Variants in NGB observed in about 807,000 individuals in gnomAD.
NGB encodes the protein neuroglobin.
In NGB, 12 loss-of-function variants were observed where a neutral mutation model predicts 17.3. The ratio of observed to expected loss-of-function variants is 0.69; its 90% CI spans 0.45 to 1.13. The LOEUF (loss-of-function observed/expected upper bound fraction) is 1.13. Ranked by LOEUF, NGB falls within the 50% of genes most tolerant of loss-of-function variation. NGB has a pLI of 0.00. For missense variants in NGB, 195 were observed against 191.7 expected (o/e 1.02, Z -0.10); for synonymous variants, 87 against 81.0 (o/e 1.07, Z -0.40).
In NGB at chr14:77,266,097, G is replaced by T; in HGVS notation, c.*439C>A. 1 of 421,388 alleles carries T rather than the reference G, an allele frequency of 2.4e-6. No homozygotes were observed. Among genetic ancestry groups the T allele is most frequent in the Non-Finnish European group, 5.0e-6 (1 of 200,406 alleles). The allele number at this position is 421,388 out of a possible 1,614,324, so 26.1% of individuals were successfully genotyped here. On this transcript the variant is annotated 3_prime_UTR_variant, in exon 4 of 4. Transcript: ENST00000298352. ...AGCCATCTTGGGGCAGGAAAGCAGT[G>T]AAGGGACTGGGCAGGCAGGACAGAA...
At chr14:77,268,690 G>C in intron 2 of NGB, 105 bp from the exon 3 acceptor site, 3 of 1,472,666 alleles carry the variant, frequency 2.0e-6, no homozygotes, top group Non-Finnish European at 2.8e-6. Context: ...AGGCCAGTAG[G>C]ACCCTCAGTT....
Position 77,268,559 on chromosome 14 carries a change from C to T in NGB, c.228G>A (p.Val76=). The part of the protein sequence containing the change: ...RKVMLVIDAA[V]TNVEDLSSLE... The stretch of plus-strand genomic sequence containing the variant: ...GTGAGGACAGGTCTTCCACATTGGT[C>T]ACTGCAGCATCAATCACGAGCATCA... Residue 76 remains valine (V), a synonymous_variant, in exon 3 of 4, where the codon GTG becomes GTA. Transcript: ENST00000298352. The T allele has an allele frequency of 6.2e-7, 1 of 1,613,988 alleles. No homozygotes were observed. Among genetic ancestry groups the T allele is most frequent in the Non-Finnish European group, 8.5e-7 (1 of 1,180,018 alleles).
intron 3 of NGB, 52 bp downstream of exon 3, chr14:77,268,414 G>A: frequency 6.3e-7 from 1 of 1,590,308 alleles, no homozygotes; most frequent in South Asian, 1.1e-5. Flanking sequence ...CTGGGAGAGA[G>A]AAGTGGCCCC....
At chr14:77,268,712 G>A in intron 2 of NGB, 127 bp from the exon 3 acceptor site, 1 of 1,309,324 alleles carries the variant, frequency 7.6e-7, no homozygotes, top group Non-Finnish European at 1.1e-6. Flanking sequence ...TCCAAGATCA[G>A]GGGTCAAAGG....
At chr14:77,269,153 T>C in intron 2 of NGB, 62 bp downstream of exon 2, 1 of 1,081,184 alleles carries the variant, frequency 9.2e-7, no homozygotes, top group South Asian at 1.4e-5. Context: ...TTTTCTCCAT[T>C]CTCCACCAGG....
Position 77,267,976 on chromosome 14 carries a change from T to C in NGB, c.321+490A>G, listed in dbSNP as rs189479179. ...CTCCCCCTTGGAACTCAGCTGCTAT[T>C]CTATAAAGAAGCTCAGCTAGACTAG... On this transcript the variant is annotated intron_variant, in intron 3 of 3. Transcript: ENST00000298352. Among the ~76,000 whole-genome samples the C allele has an allele frequency of 3.3e-5, 5 of 152,350 alleles. No homozygotes were observed. The East Asian group carries it at 7.7e-4, about 24-fold the overall frequency.
In NGB at chr14:77,269,827, G is replaced by A. The variant is rs1207077473; in HGVS notation, c.90-501C>T. ...CCCCCCCCCCCCCCCCCCCCCCTGC[G>A]CTGAGTACTTTCCGTGTGGTTAACT... On this transcript the variant is annotated intron_variant, in intron 1 of 3. Coordinates refer to ENST00000298352, the MANE Select transcript of NGB (RefSeq NM_021257.4). 4.3e-5 allele frequency among the ~76,000 whole-genome samples: 3 copies of A among 70,204 alleles called. 1 individual carries two copies. The highest frequency in any genetic ancestry group is 1.1e-4 in the African/African-American group (2 of 17,750). 46.1% of individuals were successfully genotyped at this position (70,204 alleles called of 152,430 possible). A position where few individuals can be genotyped will look rare whatever the true frequency, so the allele number is the denominator to read the frequency against.
At chr14:77,267,941 C>A (rs1302458268) in intron 3 of NGB, among the ~76,000 whole-genome samples, 1 of 152,176 alleles carries the variant, frequency 6.6e-6, no homozygotes, top group African/African-American at 2.4e-5. Context: ...TGGGGCTTGT[C>A]CTCTAAAAAC....
intron 1 of NGB, among the ~76,000 whole-genome samples, chr14:77,269,677 T>G (rs959403313): frequency 1.0e-3 from 1 of 990 alleles, no homozygotes; most frequent in African/African-American, 3.6e-3. Flanking sequence ...TTTCTCTCTC[T>G]CTCTCTCTCT....
rs543143157 is a variant in NGB at position 77,269,318 on chromosome 14, G to A, written c.98C>T (p.Ala33Val). 3.0e-5 allele frequency: 46 copies of A among 1,549,642 alleles called. No individual in the cohort carries two copies. The highest frequency in any genetic ancestry group is 3.7e-5 in the Non-Finnish European group (42 of 1,145,398). Reference protein sequence around the residue: ...HGTVLFARLFALEPDLLPLFQ... With the variant: ...HGTVLFARLFVLEPDLLPLFQ... ...GAGGGGCAGCAGGTCAGGCTCCAGG[G>A]CAAACAGCCTGTGGGAGTGAGGCCC... is the stretch of plus-strand genomic sequence containing the variant. The change falls in exon 2 of 4, where the codon GCC becomes GTC. Residue 33 changes from alanine (A) to valine (V), a missense_variant. Physicochemically the swap from Ala to Val is moderately conservative, Grantham distance 64. Transcript: ENST00000298352.
chr14:77,270,775 C>T (rs1889763922), intron 1 of NGB, 74 bp downstream of exon 1: 2 of 1,304,816 alleles, frequency 1.5e-6, no homozygotes, highest in Non-Finnish European at 2.1e-6. Context: ...CCTTCGGGGC[C>T]GGTCCTGCCG....
chr14:77,269,897 A>G lies in NGB; in HGVS notation c.90-571T>C, dbSNP rs1374141933. 2.4e-5 allele frequency among the ~76,000 whole-genome samples: 3 copies of G among 124,756 alleles called. No individual in the cohort carries two copies. The East Asian group carries it at 7.9e-4, about 33-fold the overall frequency. The allele number at this position is 124,756 out of a possible 152,430, so 81.8% of individuals were successfully genotyped here. On this transcript the variant is annotated intron_variant, in intron 1 of 3. Transcript: ENST00000298352. ...GTCCTAAGCAGTGGGTACAACTGTT[A>G]TCCCAGTTTTATAGAGGAGAAAACA...
chr14:77,268,755 G>C (rs547015867), intron 2 of NGB, among the ~76,000 whole-genome samples, 170 bp from the exon 3 acceptor site: 1 of 152,200 alleles, frequency 6.6e-6, no homozygotes, highest in Non-Finnish European at 1.5e-5. Flanking sequence ...GGGGGCACCC[G>C]ATACGTGGTG....
rs1889764076 is a variant in NGB, at chr14:77,270,781, T to G, written c.89+68A>C. 4 of 1,364,166 alleles carry G rather than the reference T, an allele frequency of 2.9e-6. No individual in the cohort carries two copies. In the African/African-American group the frequency reaches 5.9e-5, roughly 20 times the overall value. The allele number at this position is 1,364,166 out of a possible 1,614,324, so 84.5% of individuals were successfully genotyped here. A position where few individuals can be genotyped will look rare whatever the true frequency, so the allele number is the denominator to read the frequency against. ...GTTTTCCCTCCTTCGGGGCCGGTCC[T>G]GCCGCGTGACCCCTTTCCCGCCGAG... On this transcript the variant is annotated intron_variant, in intron 1 of 3. Transcript: ENST00000298352.
Position 77,266,329 on chromosome 14 carries a change from C to T in NGB, c.*207G>A, listed in dbSNP as rs760204527. On this transcript the variant is annotated 3_prime_UTR_variant, in exon 4 of 4. Transcript: ENST00000298352. ...AAAGAGGCTACTGGGGATGAGGGGA[C>T]ACCCAGAAGCCCCTTCCTGGAGGAA... The T allele has an allele frequency of 4.2e-5, 33 of 794,654 alleles. No individual in the cohort carries two copies. Among genetic ancestry groups the T allele is most frequent in the Admixed American group, 2.6e-4 (15 of 58,794 alleles). 49.2% of individuals were successfully genotyped at this position (794,654 alleles called of 1,614,324 possible).
At position 77,268,516 on chromosome 14, in the gene NGB, T is replaced by C; in HGVS notation, c.271A>G (p.Ser91Gly). ...ACTGCCCGGTGCTTCCTGCCCAGGC[T>C]GGCAAGGTACTCCTCCAGTGAGGAC... The part of the protein sequence containing the change: ...DLSSLEEYLA[S>G]LGRKHRAVGV... The change falls in exon 3 of 4, where the codon AGC becomes GGC. Residue 91 changes from serine (S) to glycine (G), a missense_variant. By Grantham distance (56) the Ser-to-Gly change is moderately conservative. Transcript: ENST00000298352. 1 of 1,611,824 alleles carries C rather than the reference T, an allele frequency of 6.2e-7. No homozygotes were observed. The highest frequency in any genetic ancestry group is 8.5e-7 in the Non-Finnish European group (1 of 1,179,710).
chr14:77,267,193 A>C (rs772035081), intron 3 of NGB, among the ~76,000 whole-genome samples: 1 of 152,252 alleles, frequency 6.6e-6, no homozygotes, highest in Non-Finnish European at 1.5e-5. Flanking sequence ...TGGGATGATT[A>C]AATGGGATAA....
intron 3 of NGB, among the ~76,000 whole-genome samples, chr14:77,267,549 ATAAG>A (rs751884258): frequency 1.4e-4 from 22 of 152,244 alleles, no homozygotes; most frequent in African/African-American, 4.3e-4. Context: ...CCCAGAATAA[ATAAG>A]TAAGTAAATA....
chr14:77,268,729 G>T, intron 2 of NGB, 144 bp from the exon 3 acceptor site: 1 of 1,129,308 alleles, frequency 8.9e-7, no homozygotes, highest in Non-Finnish European at 1.3e-6. Flanking sequence ...AAGGCAGCCT[G>T]TGTCTACTAC....
Sources: gnomAD v4.1 joint callset for allele counts (sites outside exome capture counted in the v4.1 genomes callset) on GRCh38, gnomAD v4.1.1 for gene constraint, MANE v1.5 for transcripts, NCBI Gene and HGNC (gene_info 2026-07-23, HGNC 2026-07-21) for gene names.